MYO3A: variants seen among roughly 807,000 people sequenced by gnomAD.
MYO3A encodes myosin-IIIa.
In MYO3A, 180 loss-of-function variants were observed where a neutral mutation model predicts 192.7. The ratio of observed to expected loss-of-function variants is 0.93; its 90% CI spans 0.83 to 1.06. MYO3A has a LOEUF of 1.06. Among genes scored for constraint, MYO3A ranks in the 50% least tolerant of loss-of-function variants. MYO3A has a pLI of 0.00. For missense variants in MYO3A, 1,896 were observed against 1,905.0 expected (o/e 1.00, Z 0.09); for synonymous variants, 628 against 645.3 (o/e 0.97, Z 0.41).
intron 4 of MYO3A, among the ~76,000 whole-genome samples, chr10:25,991,653 C>T (rs1285234879): frequency 1.3e-5 from 2 of 152,188 alleles, no homozygotes; most frequent in South Asian, 2.1e-4. Flanking sequence ...TTAGGTCTAA[C>T]ATTTAAGTCT....
chr10:26,118,751 C>A (rs938342615), intron 17 of MYO3A, among the ~76,000 whole-genome samples: 2 of 152,072 alleles, frequency 1.3e-5, no homozygotes, highest in Admixed American at 1.3e-4. Flanking sequence ...CCTGCCCCAG[C>A]CTCCCGAGTA....
intron 28 of MYO3A, among the ~76,000 whole-genome samples, chr10:26,169,233 A>G (rs529943898): frequency 3.7e-4 from 56 of 152,290 alleles, no homozygotes; most frequent in African/African-American, 1.3e-3. Context: ...TACACTTGCC[A>G]TAATTTTTGA....
At chr10:26,041,322 G>C (rs1843334479) in intron 10 of MYO3A, among the ~76,000 whole-genome samples, 1 of 150,322 alleles carries the variant, frequency 6.7e-6, no homozygotes, top group South Asian at 2.1e-4. Context: ...CAGATCATTT[G>C]GTTTTAGTTT....
At chr10:26,202,932 A>G in intron 33 of MYO3A, 32 bp from the exon 34 acceptor site, 1 of 1,611,146 alleles carries the variant, frequency 6.2e-7, no homozygotes, top group Non-Finnish European at 8.5e-7. Flanking sequence ...AATTAGATTG[A>G]TGCAATGGTG....
At position 25,961,595 on chromosome 10, in the gene MYO3A, G is replaced by A. The variant is rs149068981; in HGVS notation, c.303+6587G>A. The stretch of plus-strand genomic sequence containing the variant: ...AAGAATAAATTTAGTTTAATAAAAT[G>A]GTATTTCCAAAATCTGATCTACTTG... On this transcript the variant is annotated intron_variant, in intron 4 of 34. Coordinates refer to ENST00000642920, the MANE Select transcript of MYO3A (RefSeq NM_017433.5). Among the ~76,000 whole-genome samples, 413 of 151,810 alleles carry A rather than the reference G, an allele frequency of 2.7e-3. 1 individual carries two copies. The highest frequency in any genetic ancestry group is 9.7e-3 in the African/African-American group (401 of 41,424).
chr10:26,060,469 A>G (rs1471973720), intron 10 of MYO3A, among the ~76,000 whole-genome samples: 1 of 151,372 alleles, frequency 6.6e-6, no homozygotes, highest in Admixed American at 6.6e-5. Flanking sequence ...CTCCATCTCA[A>G]ACAAACAAAC....
chr10:26,105,419 A>T (rs1048615004), intron 17 of MYO3A, among the ~76,000 whole-genome samples: 1 of 152,096 alleles, frequency 6.6e-6, no homozygotes, highest in African/African-American at 2.4e-5. Flanking sequence ...TGAAAGTAAC[A>T]TGTTGTTTTA....
chr10:26,055,156 C>T (rs1844239160), intron 10 of MYO3A, among the ~76,000 whole-genome samples: 2 of 152,288 alleles, frequency 1.3e-5, no homozygotes, highest in South Asian at 4.1e-4. Flanking sequence ...ACCACTTCTT[C>T]CGCTTGCAGC....
chr10:26,087,715 C>G (rs1836423147), intron 14 of MYO3A, among the ~76,000 whole-genome samples: 1 of 152,160 alleles, frequency 6.6e-6, no homozygotes, highest in South Asian at 2.1e-4. Flanking sequence ...TCCACTCCTC[C>G]CATTCATACT....
intron 4 of MYO3A, among the ~76,000 whole-genome samples, chr10:25,986,821 C>A (rs1839682794): frequency 6.6e-6 from 1 of 152,068 alleles, no homozygotes; most frequent in South Asian, 2.1e-4. Flanking sequence ...CAATTTCCAT[C>A]AAAATACCAC....
chr10:26,005,663 C>T (rs1841150023), intron 6 of MYO3A, among the ~76,000 whole-genome samples: 1 of 151,952 alleles, frequency 6.6e-6, no homozygotes, highest in South Asian at 2.1e-4. Context: ...CAACTTTTCT[C>T]TAAGGTTGAA....
chr10:26,167,646 A>G (rs1440323272), intron 27 of MYO3A, among the ~76,000 whole-genome samples: 1 of 152,256 alleles, frequency 6.6e-6, no homozygotes, highest in Non-Finnish European at 1.5e-5. Context: ...TTCTAATGTC[A>G]TGCAAAAAGA....
intron 4 of MYO3A, among the ~76,000 whole-genome samples, chr10:25,972,978 G>A (rs1838752309): frequency 6.6e-6 from 1 of 152,090 alleles, no homozygotes; most frequent in South Asian, 2.1e-4. Flanking sequence ...GTTCTTCTTA[G>A]CTGTTTCTTT....
rs766400306 is a variant in MYO3A at position 26,096,695 on chromosome 10, G to A, written c.1776+13G>A. The A allele has an allele frequency of 2.7e-6, 4 of 1,507,572 alleles. No homozygotes were observed. In the South Asian group the frequency reaches 3.4e-5, roughly 13 times the overall value. 93.4% of individuals were successfully genotyped at this position (1,507,572 alleles called of 1,614,324 possible). A position where few individuals can be genotyped will look rare whatever the true frequency, so the allele number is the denominator to read the frequency against. On this transcript the variant is annotated intron_variant, in intron 17 of 34. Transcript: ENST00000642920. ...TTTTACAATGGAGGTAAGTATGAAAGACACTTGAACTTCTTTAGAAAGTAT... is the reference window on the plus strand; with the variant it reads ...TTTTACAATGGAGGTAAGTATGAAAAACACTTGAACTTCTTTAGAAAGTAT...
intron 4 of MYO3A, among the ~76,000 whole-genome samples, chr10:25,994,314 T>C (rs1186732719): frequency 6.6e-6 from 1 of 152,238 alleles, no homozygotes; most frequent in Non-Finnish European, 1.5e-5. Flanking sequence ...AAGTCTGTTT[T>C]ATCAGAGACT....
chr10:26,002,348 T>C (rs149644812), intron 6 of MYO3A, among the ~76,000 whole-genome samples: 1 of 152,284 alleles, frequency 6.6e-6, no homozygotes, highest in East Asian at 1.9e-4. Flanking sequence ...GGCAAGTTAC[T>C]TCTATAGAAG....
chr10:25,950,023 G>A (rs1837102412), intron 2 of MYO3A, among the ~76,000 whole-genome samples: 2 of 152,118 alleles, frequency 1.3e-5, no homozygotes, highest in African/African-American at 4.8e-5. Context: ...TGTGGATACA[G>A]TCATAAAATA....
At chr10:26,065,315 G>A (rs1834747498) in intron 10 of MYO3A, among the ~76,000 whole-genome samples, 1 of 152,126 alleles carries the variant, frequency 6.6e-6, no homozygotes, top group South Asian at 2.1e-4. Flanking sequence ...CGAGCATGGT[G>A]GCTCACGCCT....
At chr10:25,949,334 G>A (rs2947353) in intron 2 of MYO3A, among the ~76,000 whole-genome samples, 139,736 of 152,140 alleles carry the variant, frequency 0.92, 64,483 homozygotes, top group African/African-American at 0.98. Context: ...ACTGTGTTCA[G>A]TAACATTACT....
Sources: gnomAD v4.1 joint callset for allele counts (sites outside exome capture counted in the v4.1 genomes callset) on GRCh38, gnomAD v4.1.1 for gene constraint, MANE v1.5 for transcripts, NCBI Gene and HGNC (gene_info 2026-07-23, HGNC 2026-07-21) for gene names.